Variants in TFEC observed in about 807,000 individuals in gnomAD.
TFEC encodes the protein class E basic helix-loop-helix protein 34.
Under a neutral mutation model 41.6 loss-of-function variants are expected in TFEC, and 31 were observed. That is an observed-to-expected ratio of 0.74 (90% confidence interval 0.56 to 1.01). The LOEUF (loss-of-function observed/expected upper bound fraction) is 1.01, where lower values mean the gene tolerates loss of function less well. TFEC is among the 50% of genes least tolerant of loss of function. The pLI is 0.00. For missense variants in TFEC, 402 were observed against 404.1 expected, an observed-to-expected ratio of 0.99 and a Z score of 0.04; for synonymous variants, 143 against 140.6, an observed-to-expected ratio of 1.02 and a Z score of -0.12.
chr7:116,008,240 CT>C (rs1794874147), intron 1 of TFEC, among the ~76,000 whole-genome samples: 1 of 152,122 alleles, frequency 6.6e-6, no homozygotes, highest in Non-Finnish European at 1.5e-5. Context: ...GGGTGCCTAC[CT>C]AATAAGCCTG....
chr7:116,124,112 G>A (rs901668026), intron 1 of TFEC, among the ~76,000 whole-genome samples: 3 of 152,082 alleles, frequency 2.0e-5, no homozygotes, highest in Non-Finnish European at 4.4e-5. Flanking sequence ...CCTTTATTAT[G>A]TAAAATGCCA....
chr7:116,070,162 G>T (rs183879993), intron 3 of TFEC, among the ~76,000 whole-genome samples: 1 of 151,258 alleles, frequency 6.6e-6, no homozygotes, highest in South Asian at 2.1e-4. Flanking sequence ...GTGTGTGCGC[G>T]TGTGTGTATA....
chr7:116,087,642 A>G (rs1169774250), intron 3 of TFEC, among the ~76,000 whole-genome samples: 1 of 152,098 alleles, frequency 6.6e-6, no homozygotes, highest in African/African-American at 2.4e-5. Context: ...TTGTTTTAAC[A>G]TCACCTTTGC....
At position 116,157,929 on chromosome 7, in the gene TFEC, G is replaced by A. The variant is rs537952901; in HGVS notation, c.-69+1861C>T. 5.9e-5 allele frequency among the ~76,000 whole-genome samples: 9 copies of A among 152,158 alleles called. No individual in the cohort carries two copies. In the East Asian group the frequency reaches 1.5e-3, roughly 26 times the overall value. ...TTATTCGGCTTTGAATTTGAAATGT[G>A]GCACATATCAGACACCTATCTTCAA... On this transcript the variant is annotated intron_variant, in intron 1 of 8. Transcript: ENST00000484212.
At position 115,939,324 on chromosome 7, in the gene TFEC, TC is replaced by T. The variant is rs887642335; in HGVS notation, c.*1226del. 6.6e-6 allele frequency: 1 copy of T among 151,882 alleles called. No homozygotes were observed. The highest frequency in any genetic ancestry group is 1.5e-5 in the Non-Finnish European group (1 of 67,956). The allele number at this position is 151,882 out of a possible 1,614,324, so 9.4% of individuals were successfully genotyped here. On this transcript the variant is annotated 3_prime_UTR_variant, in exon 8 of 8. Transcript: ENST00000265440. ...GAGCAACGTGCTTGGTAACTTAATTTCCTAACCTAAAACAAGCGCAAGAGAT... is the reference window on the plus strand; with the variant it reads ...GAGCAACGTGCTTGGTAACTTAATTTCTAACCTAAAACAAGCGCAAGAGAT...
At chr7:116,002,917 A>G (rs1794652823) in intron 1 of TFEC, among the ~76,000 whole-genome samples, 1 of 152,188 alleles carries the variant, frequency 6.6e-6, no homozygotes, top group African/African-American at 2.4e-5. Context: ...AGTATAACTG[A>G]TATGTTAAGA....
intron 1 of TFEC, among the ~76,000 whole-genome samples, chr7:116,133,302 C>A (rs1798370603): frequency 6.6e-6 from 1 of 152,136 alleles, no homozygotes; most frequent in Non-Finnish European, 1.5e-5. Flanking sequence ...GTAATCCCAG[C>A]ACTTTGGGGG....
chr7:115,988,413 G>C (rs1793954329), intron 1 of TFEC, among the ~76,000 whole-genome samples: 1 of 152,044 alleles, frequency 6.6e-6, no homozygotes. Context: ...CAAAAACACT[G>C]TAGAGAAATG....
At chr7:116,151,948 T>C (rs1018444409) in intron 1 of TFEC, among the ~76,000 whole-genome samples, 1 of 152,120 alleles carries the variant, frequency 6.6e-6, no homozygotes, top group African/African-American at 2.4e-5. Context: ...ATACAGGAAG[T>C]AGAATAGTTT....
chr7:115,963,969 AG>A (rs1368921231), intron 3 of TFEC, among the ~76,000 whole-genome samples: 2 of 151,714 alleles, frequency 1.3e-5, no homozygotes, highest in African/African-American at 4.8e-5. Context: ...TACTACCAAC[AG>A]GGAGCAAGAT....
intron 3 of TFEC, among the ~76,000 whole-genome samples, chr7:116,099,617 G>A (rs554355100): frequency 1.5e-4 from 23 of 152,304 alleles, no homozygotes; most frequent in Middle Eastern, 6.8e-3. Flanking sequence ...TCATCAGTCA[G>A]TCTCAAACAA....
At chr7:116,063,404 G>A (rs948937419) in intron 3 of TFEC, among the ~76,000 whole-genome samples, 2 of 152,016 alleles carry the variant, frequency 1.3e-5, no homozygotes, top group Non-Finnish European at 2.9e-5. Context: ...ATCATTTGAG[G>A]TCAGGAGTTC....
chr7:115,967,534 C>T (rs191087162), intron 3 of TFEC, among the ~76,000 whole-genome samples: 2 of 151,864 alleles, frequency 1.3e-5, no homozygotes, highest in East Asian at 3.9e-4. Flanking sequence ...TTTCAGGACA[C>T]ACACCATTAA....
chr7:116,062,225 C>CATTTT (rs1796576071), intron 3 of TFEC, among the ~76,000 whole-genome samples: 2 of 51,900 alleles, frequency 3.9e-5, no homozygotes, highest in African/African-American at 1.1e-4. Context: ...CATGCCTGGC[C>CATTTT]TTTTTTTTTT....
At chr7:116,006,186 C>CT (rs1397036454) in intron 1 of TFEC, among the ~76,000 whole-genome samples, 1 of 152,200 alleles carries the variant, frequency 6.6e-6, no homozygotes, top group Non-Finnish European at 1.5e-5. Flanking sequence ...TACTGGACCA[C>CT]TGCTTAGTGG....
At chr7:116,123,119 A>G (rs932806258) in intron 1 of TFEC, among the ~76,000 whole-genome samples, 1 of 152,152 alleles carries the variant, frequency 6.6e-6, no homozygotes, top group African/African-American at 2.4e-5. Flanking sequence ...AACAAAAACA[A>G]GCAATTGCTG....
intron 1 of TFEC, among the ~76,000 whole-genome samples, chr7:116,146,089 T>C (rs1469014510): frequency 6.6e-6 from 1 of 152,182 alleles, no homozygotes; most frequent in Non-Finnish European, 1.5e-5. Flanking sequence ...TACCCAATAA[T>C]GTTAACTAGC....
At position 115,984,316 on chromosome 7, in the gene TFEC, G is replaced by A. The variant is rs1476980978; in HGVS notation, c.126C>T (p.Asn42=). Residue 42 remains asparagine (N), a synonymous_variant, in exon 2 of 8, where the codon AAC becomes AAT. Coordinates refer to ENST00000265440, the MANE Select transcript of TFEC (RefSeq NM_012252.4). ...TLDSDAGLTE[N]PLTKLLAIGK... is the part of the protein sequence containing the mutation. ...CAATAGCTAGTAACTTGGTGAGTGGGTTTTCTGTGAGGCCAGCATCACTGT... is the reference window on the plus strand; with the variant it reads ...CAATAGCTAGTAACTTGGTGAGTGGATTTTCTGTGAGGCCAGCATCACTGT... 1.2e-6 allele frequency: 2 copies of A among 1,614,098 alleles called. No homozygotes were observed. Among genetic ancestry groups the A allele is most frequent in the African/African-American group, 2.7e-5 (2 of 75,044 alleles).
intron 1 of TFEC, among the ~76,000 whole-genome samples, chr7:115,992,414 A>G (rs1315246943): frequency 6.6e-6 from 1 of 152,238 alleles, no homozygotes; most frequent in Non-Finnish European, 1.5e-5. Context: ...CAATGAATCC[A>G]GGAGCTGGTG....
Sources: allele counts gnomAD v4.1 joint callset (sites outside exome capture counted in the v4.1 genomes callset), GRCh38; gene constraint gnomAD v4.1.1; transcripts MANE v1.5; gene names NCBI Gene and HGNC (gene_info 2026-07-23, HGNC 2026-07-21).